L3MBTL4: variants seen among roughly 807,000 people sequenced by gnomAD.
The protein encoded by L3MBTL4 is L3MBTL histone methyl-lysine binding protein 4.
Under a neutral mutation model 84.5 loss-of-function variants are expected in L3MBTL4, and 70 were observed. The ratio of observed to expected loss-of-function variants is 0.83; its 90% CI spans 0.68 to 1.01. The LOEUF (loss-of-function observed/expected upper bound fraction) is 1.01. L3MBTL4 is among the 50% of genes least tolerant of loss of function. L3MBTL4 has a pLI of 0.00. For synonymous variants in L3MBTL4, 274 were observed against 259.8 expected, an observed-to-expected ratio of 1.05 and a Z score of -0.52; for missense variants, 715 against 754.8, an observed-to-expected ratio of 0.95 and a Z score of 0.62.
chr18:6,150,351 C>T (rs968883518), intron 13 of L3MBTL4, among the ~76,000 whole-genome samples: 1 of 152,050 alleles, frequency 6.6e-6, no homozygotes, highest in African/African-American at 2.4e-5. Flanking sequence ...AACAGGGCCA[C>T]ATTAAAAGTT....
chr18:6,167,259 C>G (rs1273212788), intron 13 of L3MBTL4, among the ~76,000 whole-genome samples: 1 of 152,184 alleles, frequency 6.6e-6, no homozygotes, highest in Non-Finnish European at 1.5e-5. Context: ...CAAGGAGGAG[C>G]TGGTAGCATT....
chr18:6,333,244 G>GA (rs1725516133), intron 1 of L3MBTL4, among the ~76,000 whole-genome samples: 2 of 152,096 alleles, frequency 1.3e-5, no homozygotes, highest in African/African-American at 4.8e-5. Context: ...AAATGAAGAA[G>GA]CAAAAAGAGG....
intron 1 of L3MBTL4, among the ~76,000 whole-genome samples, chr18:6,340,058 C>G (rs2052534441): frequency 6.6e-6 from 1 of 152,104 alleles, no homozygotes; most frequent in Admixed American, 6.5e-5. Context: ...CCTTCTCAAT[C>G]TATTTTATGA....
intron 1 of L3MBTL4, among the ~76,000 whole-genome samples, chr18:6,362,366 T>C (rs537742756): frequency 9.2e-5 from 14 of 151,904 alleles, no homozygotes; most frequent in African/African-American, 2.9e-4. Flanking sequence ...GAAAAGGACA[T>C]GAAGAGACCA....
chr18:6,021,272 A>G (rs1399964609), intron 16 of L3MBTL4, among the ~76,000 whole-genome samples: 1 of 152,218 alleles, frequency 6.6e-6, no homozygotes, highest in Admixed American at 6.5e-5. Context: ...GCAGAGGCAA[A>G]GGAATATCTT....
intron 16 of L3MBTL4, among the ~76,000 whole-genome samples, chr18:5,981,723 C>T (rs1250869014): frequency 6.6e-6 from 1 of 151,736 alleles, no homozygotes; most frequent in African/African-American, 2.4e-5. Context: ...ACACTTGAGT[C>T]CAGGAGTTTG....
intron 16 of L3MBTL4, chr18:6,031,112 A>G: frequency 1.0e-6 from 1 of 985,412 alleles, no homozygotes; most frequent in Non-Finnish European, 1.2e-6. Flanking sequence ...GATCATGGAG[A>G]AAAGCCACAC....
At chr18:6,064,598 G>GTTT (rs143605097) in intron 16 of L3MBTL4, among the ~76,000 whole-genome samples, 113 of 140,774 alleles carry the variant, frequency 8.0e-4, no homozygotes, top group Non-Finnish European at 1.3e-3. Flanking sequence ...ATATTCCTAG[G>GTTT]TTTTTTTTTT....
At chr18:6,310,770 A>G (rs534194380) in intron 3 of L3MBTL4, among the ~76,000 whole-genome samples, 2 of 152,342 alleles carry the variant, frequency 1.3e-5, no homozygotes, top group South Asian at 2.1e-4. Flanking sequence ...AGCTGTCATA[A>G]GGAAACAGAA....
At chr18:6,161,932 A>T (rs888186670) in intron 13 of L3MBTL4, among the ~76,000 whole-genome samples, 4 of 149,596 alleles carry the variant, frequency 2.7e-5, no homozygotes, top group Admixed American at 1.3e-4. Context: ...TTATATATAA[A>T]ATATATATAT....
intron 1 of L3MBTL4, among the ~76,000 whole-genome samples, chr18:6,406,581 AG>A (rs1432706947): frequency 6.6e-6 from 1 of 152,136 alleles, no homozygotes; most frequent in Non-Finnish European, 1.5e-5. Context: ...CCCTCCCCAG[AG>A]GACAGGAAGA....
chr18:6,342,412 T>C (rs1218702546), intron 1 of L3MBTL4, among the ~76,000 whole-genome samples: 1 of 152,050 alleles, frequency 6.6e-6, no homozygotes, highest in Admixed American at 6.5e-5. Flanking sequence ...AGGAAAAAAG[T>C]TGTAAATTGT....
chr18:6,357,982 G>A (rs867743997), intron 1 of L3MBTL4, among the ~76,000 whole-genome samples: 11 of 152,284 alleles, frequency 7.2e-5, no homozygotes, highest in African/African-American at 2.4e-4. Context: ...CTTTGACCAA[G>A]CCTTGGACAG....
chr18:5,975,431 C>T (rs2052868089), intron 16 of L3MBTL4, among the ~76,000 whole-genome samples: 1 of 152,164 alleles, frequency 6.6e-6, no homozygotes, highest in Non-Finnish European at 1.5e-5. Context: ...CGACCAAGTC[C>T]CATCAATTTA....
intron 16 of L3MBTL4, among the ~76,000 whole-genome samples, chr18:6,077,288 A>G (rs2057887241): frequency 6.6e-6 from 1 of 152,226 alleles, no homozygotes; most frequent in East Asian, 1.9e-4. Context: ...CCTGTTATGC[A>G]CAACCAACAT....
At chr18:6,390,922 A>G (rs1339742356) in intron 1 of L3MBTL4, among the ~76,000 whole-genome samples, 1 of 152,178 alleles carries the variant, frequency 6.6e-6, no homozygotes, top group East Asian at 1.9e-4. Context: ...ACTGGTCCCA[A>G]TCCTACTGAA....
intron 16 of L3MBTL4, among the ~76,000 whole-genome samples, chr18:6,006,275 T>C (rs1358165341): frequency 6.6e-6 from 1 of 152,116 alleles, no homozygotes; most frequent in Non-Finnish European, 1.5e-5. Flanking sequence ...GACAGAACAG[T>C]TCAAGAACAT....
chr18:6,022,111 A>G (rs1197123552), intron 16 of L3MBTL4, among the ~76,000 whole-genome samples: 1 of 152,146 alleles, frequency 6.6e-6, no homozygotes, highest in African/African-American at 2.4e-5. Context: ...GCCTTTCTCA[A>G]ATTAGCCTCA....
At position 6,053,641 on chromosome 18, in the gene L3MBTL4, G is replaced by A. The variant is rs75278223; in HGVS notation, c.1444+27240C>T. On this transcript the variant is annotated intron_variant, in intron 16 of 18. Coordinates refer to ENST00000317931, the MANE Select transcript of L3MBTL4 (RefSeq NM_001330559.2). ...GGATAGTTGCTTCAAAACAACGAAT[G>A]CAACTGCCCTCCTTTCCCCTTTAAA... 1.3e-4 allele frequency among the ~76,000 whole-genome samples: 20 copies of A among 152,282 alleles called. No individual in the cohort carries two copies. In the East Asian group the frequency reaches 3.5e-3, roughly 26 times the overall value.
Sources: allele counts gnomAD v4.1 joint callset (sites outside exome capture counted in the v4.1 genomes callset), GRCh38; gene constraint gnomAD v4.1.1; transcripts MANE v1.5; gene names NCBI Gene and HGNC (gene_info 2026-07-23, HGNC 2026-07-21).